SEPTIN7: variants seen among roughly 807,000 people sequenced by gnomAD.
SEPTIN7 encodes the protein septin-7.
A neutral mutation model predicts 63.3 loss-of-function variants in SEPTIN7; 10 were observed. The observed-to-expected ratio is 0.16, with a 90% CI of 0.10 to 0.27. The LOEUF (loss-of-function observed/expected upper bound fraction) is 0.27. Ranked by LOEUF, SEPTIN7 falls within the 10% of genes least tolerant of loss-of-function variation. The pLI, the probability that SEPTIN7 is intolerant of heterozygous loss-of-function variation, is 1.00. For missense variants in SEPTIN7, 310 were observed against 521.0 expected (o/e 0.59, Z 3.94); for synonymous variants, 131 against 165.3 (o/e 0.79, Z 1.59).
chr7:35,915,665 G>C, the SEPTIN7 span, among the ~76,000 whole-genome samples: 3 of 152,040 alleles, frequency 2.0e-5, no homozygotes, highest in Non-Finnish European at 4.4e-5. Context: ...TCCTGTCCTG[G>C]CCATCCAATC....
chr7:35,898,265 T>A lies in SEPTIN7; in HGVS notation c.1016T>A (p.Met339Lys). 6.5e-7 allele frequency: 1 copy of A among 1,549,618 alleles called. No individual in the cohort carries two copies. Among genetic ancestry groups the A allele is most frequent in the Non-Finnish European group, 8.7e-7 (1 of 1,145,386 alleles). The change falls in exon 12 of 14, where the codon ATG becomes AAG. Residue 339 changes from methionine (M) to lysine (K), a missense_variant. Around this residue, in one of 2 missense-constraint regions of SEPTIN7, gnomAD observed 255 missense variants for 490.5 expected, o/e 0.52. Coordinates refer to ENST00000350320, the MANE Select transcript of SEPTIN7 (RefSeq NM_001788.6). ...CGTGACAGGAGCCCTCTGGCACAAA[T>A]GGAAGAAGAAAGAAGGGAGCATGTA... ...GQLTKSPLAQ[M>K]EEERREHVAK...
intron 3 of SEPTIN7, among the ~76,000 whole-genome samples, chr7:35,861,704 G>T (rs1461924668): frequency 6.6e-6 from 1 of 152,144 alleles, no homozygotes; most frequent in African/African-American, 2.4e-5. Context: ...GGTGCCCATT[G>T]CTTCTCTCAC....
intron 1 of SEPTIN7, among the ~76,000 whole-genome samples, chr7:35,824,830 G>A (rs1783417597): frequency 6.6e-6 from 1 of 151,962 alleles, no homozygotes; most frequent in Non-Finnish European, 1.5e-5. Context: ...ATGTAATTGG[G>A]ATATCTAAAA....
chr7:35,801,114 C>T lies in SEPTIN7; in HGVS notation c.-96C>T. ...GCTGTAGCGTGCGTAAGCAAGGCAG[C>T]TACGCCGGGCGGCTACGCTGCGGAA... is the stretch of plus-strand genomic sequence containing the variant. On this transcript the variant is annotated 5_prime_UTR_variant, in exon 1 of 14. Coordinates refer to ENST00000350320, the MANE Select transcript of SEPTIN7 (RefSeq NM_001788.6). 9.7e-6 allele frequency: 10 copies of T among 1,028,160 alleles called. No homozygotes were observed. Among genetic ancestry groups the T allele is most frequent in the Non-Finnish European group, 1.4e-5 (10 of 739,914 alleles). 63.7% of individuals were successfully genotyped at this position (1,028,160 alleles called of 1,614,324 possible).
At chr7:35,847,648 A>C (rs1267024253) in intron 3 of SEPTIN7, among the ~76,000 whole-genome samples, 4 of 152,132 alleles carry the variant, frequency 2.6e-5, no homozygotes, top group Non-Finnish European at 5.9e-5. Flanking sequence ...GCTTTTTATT[A>C]AGTATAGTCA....
intron 3 of SEPTIN7, among the ~76,000 whole-genome samples, chr7:35,845,225 T>A (rs1351467390): frequency 2.6e-5 from 4 of 152,096 alleles, no homozygotes; most frequent in Non-Finnish European, 5.9e-5. Flanking sequence ...ATGAGTGTAC[T>A]ACATATATAT....
chr7:35,810,384 C>T (rs1305373222), intron 1 of SEPTIN7, among the ~76,000 whole-genome samples: 4 of 148,476 alleles, frequency 2.7e-5, no homozygotes, highest in Admixed American at 6.7e-5. Context: ...AGTGCAGTGG[C>T]GCGATCTCAG....
intron 11 of SEPTIN7, among the ~76,000 whole-genome samples, chr7:35,891,694 G>A (rs1190267242): frequency 6.6e-6 from 1 of 152,046 alleles, no homozygotes; most frequent in Non-Finnish European, 1.5e-5. Flanking sequence ...CACTACTGTG[G>A]ACTTTATGAA....
chr7:35,861,232 G>A (rs1014258310), intron 3 of SEPTIN7, among the ~76,000 whole-genome samples: 1 of 151,726 alleles, frequency 6.6e-6, no homozygotes, highest in Non-Finnish European at 1.5e-5. Context: ...TAGCTCTTTG[G>A]GCATAGTTCA....
At chr7:35,908,087 G>A (rs1414526011), downstream of SEPTIN7, among the ~76,000 whole-genome samples, 2 of 152,180 alleles carry the variant, frequency 1.3e-5, no homozygotes, top group African/African-American at 4.8e-5. Context: ...TGGAAATAAG[G>A]TAATTTTGGT....
At chr7:35,849,855 C>T (rs1430901322) in intron 3 of SEPTIN7, among the ~76,000 whole-genome samples, 1 of 152,126 alleles carries the variant, frequency 6.6e-6, no homozygotes, top group African/African-American at 2.4e-5. Flanking sequence ...CCTTGAAACT[C>T]TTCCTCACTT....
At chr7:35,875,688 GT>G (rs560426661) in intron 6 of SEPTIN7, among the ~76,000 whole-genome samples, 1 of 152,090 alleles carries the variant, frequency 6.6e-6, no homozygotes, top group South Asian at 2.1e-4. Context: ...TTAAAATGGT[GT>G]TTTATCCTTC....
intron 4 of SEPTIN7, among the ~76,000 whole-genome samples, chr7:35,872,414 A>T (rs1786205555): frequency 6.6e-6 from 1 of 152,176 alleles, no homozygotes; most frequent in Admixed American, 6.5e-5. Context: ...TATACCAAGT[A>T]TGAGTCATAA....
chr7:35,815,934 T>C (rs1383864911), intron 1 of SEPTIN7, among the ~76,000 whole-genome samples: 1 of 152,174 alleles, frequency 6.6e-6, no homozygotes, highest in Non-Finnish European at 1.5e-5. Flanking sequence ...TTCCCACACA[T>C]CGATAGAGGT....
Position 35,872,722 on chromosome 7 carries a change from A to T in SEPTIN7, c.333A>T (p.Ile111=). The change falls in exon 5 of 14, where the codon ATA becomes ATT. Residue 111 remains isoleucine, a synonymous_variant. Coordinates refer to ENST00000350320, the MANE Select transcript of SEPTIN7 (RefSeq NM_001788.6). The stretch of plus-strand genomic sequence containing the variant: ...GTGGTGTTCAGTTGCTGCTCACAAT[A>T]GTTGATACCCCAGGATTTGGAGATG... The part of the protein sequence containing the change: ...KEGGVQLLLT[I]VDTPGFGDAV... 3 of 1,612,790 alleles carry T rather than the reference A, an allele frequency of 1.9e-6. No homozygotes were observed. The highest frequency in any genetic ancestry group is 2.5e-6 in the Non-Finnish European group (3 of 1,178,882).
chr7:35,831,377 G>A (rs1439946587), intron 1 of SEPTIN7, 115 bp from the exon 2 acceptor site: 4 of 307,966 alleles, frequency 1.3e-5, no homozygotes, highest in South Asian at 8.3e-5. Context: ...TGCCTCTCCT[G>A]TTTGGACTGA....
At chr7:35,882,438 C>T in intron 7 of SEPTIN7, 46 bp from the exon 8 acceptor site, 6 of 1,316,520 alleles carry the variant, frequency 4.6e-6, no homozygotes, top group Non-Finnish European at 6.0e-6. Flanking sequence ...GACTAATATA[C>T]TAATTATGTA....
chr7:35,869,556 T>C (rs1786023027), intron 4 of SEPTIN7, among the ~76,000 whole-genome samples: 2 of 152,244 alleles, frequency 1.3e-5, no homozygotes, highest in Admixed American at 6.5e-5. Flanking sequence ...CAAAATGTTA[T>C]GTTCTTAATT....
intron 6 of SEPTIN7, among the ~76,000 whole-genome samples, chr7:35,874,911 T>C (rs1463074842): frequency 6.6e-6 from 1 of 152,176 alleles, no homozygotes; most frequent in Non-Finnish European, 1.5e-5. Flanking sequence ...TAACCTTTTA[T>C]GAGTATTTGT....
Sources: gnomAD v4.1 joint callset for allele counts (sites outside exome capture counted in the v4.1 genomes callset) on GRCh38, gnomAD v4.1.1 for gene constraint, gnomAD v4.1.1 regional missense constraint, MANE v1.5 for transcripts, NCBI Gene and HGNC (gene_info 2026-07-23, HGNC 2026-07-21) for gene names.